The following METTL25B variants were observed in gnomAD, a reference collection of about 807,000 sequenced individuals.
METTL25B encodes the protein methyltransferase-like protein 25B.
In METTL25B, 38 loss-of-function variants were observed where a neutral mutation model predicts 48.4. That is an observed-to-expected ratio of 0.78 (90% CI 0.61 to 1.03). The LOEUF (loss-of-function observed/expected upper bound fraction) is 1.03. Among genes scored for constraint, METTL25B ranks in the 50% least tolerant of loss-of-function variants. The pLI is 0.00. For synonymous variants in METTL25B, 230 were observed against 254.5 expected, an observed-to-expected ratio of 0.90 and a Z score of 0.92; for missense variants, 537 against 603.7, an observed-to-expected ratio of 0.89 and a Z score of 1.16.
chr1:156,732,733 G>A lies in METTL25B; in HGVS notation c.430-252G>A, dbSNP rs2102654509. ...CAATCTGCTCATGGCTTCACGCAGG[G>A]TTCTTGTTCTGTGGGGGAGATTGAA... On this transcript the variant is annotated intron_variant, in intron 3 of 7. Transcript: ENST00000368216. Among the ~76,000 whole-genome samples, 3 of 152,244 alleles carry A rather than the reference G, an allele frequency of 2.0e-5. No homozygotes were observed. The Middle Eastern group carries it at 0.01, about 518-fold the overall frequency.
rs1648960810 is a variant in METTL25B at position 156,728,852 on chromosome 1, A to T, written c.-253A>T. 10 of 700,230 alleles carry T rather than the reference A, an allele frequency of 1.4e-5. No homozygotes were observed. In the East Asian group the frequency reaches 4.2e-4, roughly 29 times the overall value. The allele number at this position is 700,230 out of a possible 1,614,324, so 43.4% of individuals were successfully genotyped here. On this transcript the variant is annotated 5_prime_UTR_variant, in exon 1 of 8. Coordinates refer to ENST00000368216, the MANE Select transcript of METTL25B (RefSeq NM_015997.4). ...GCTTTTGTGGCGTCACTGCACTGTT[A>T]CCCCGCCCTACGTGTCTCTGACGCT...
At position 156,734,420 on chromosome 1, in the gene METTL25B, C is replaced by A. The variant is rs771852368; in HGVS notation, c.1048C>A (p.Arg350=). ...CCGTGCAGCACTGGAGACAGTCATC[C>A]GACGGGCCCGGCCCGAGCTCCGTCG... ...CYRAALETVI[R]RARPELRRPG... is the part of the protein sequence containing the mutation. The change falls in exon 6 of 8, where the codon CGA becomes AGA. Residue 350 remains arginine, a synonymous_variant. Coordinates refer to ENST00000368216, the MANE Select transcript of METTL25B (RefSeq NM_015997.4). 8.1e-6 allele frequency: 13 copies of A among 1,610,020 alleles called. No homozygotes were observed. Among genetic ancestry groups the A allele is most frequent in the Non-Finnish European group, 1.1e-5 (13 of 1,178,314 alleles).
In METTL25B at chr1:156,734,006, CA is replaced by C; in HGVS notation, c.637-2del. 6.3e-7 allele frequency: 1 copy of C among 1,590,618 alleles called. No individual in the cohort carries two copies. Among genetic ancestry groups the C allele is most frequent in the Non-Finnish European group, 8.6e-7 (1 of 1,166,682 alleles). ...CTGCCTTTGTCCTTTCCTGCTTCCACAGGTGGTCCAAACCAGCCCTCGTCAC... is the reference window on the plus strand; with the variant it reads ...CTGCCTTTGTCCTTTCCTGCTTCCACGGTGGTCCAAACCAGCCCTCGTCAC... On this transcript the variant is annotated splice_acceptor_variant, in intron 5 of 7. Coordinates refer to ENST00000368216, the MANE Select transcript of METTL25B (RefSeq NM_015997.4). LOFTEE classifies it high-confidence loss of function.
chr1:156,736,086 G>A (rs748288355), intron 7 of METTL25B, 177 bp downstream of exon 7: 10 of 522,956 alleles, frequency 1.9e-5, no homozygotes, highest in Non-Finnish European at 2.9e-5. Flanking sequence ...TAAGAATCCA[G>A]GCTGGGTGCG....
chr1:156,735,661 A>T (rs1649716295), intron 6 of METTL25B, 64 bp from the exon 7 acceptor site: 2 of 1,408,130 alleles, frequency 1.4e-6, no homozygotes, highest in Non-Finnish European at 1.9e-6. Context: ...GAACAAGCAA[A>T]GTTTAAGTGA....
chr1:156,735,057 T>TA (rs1043109630), intron 6 of METTL25B, among the ~76,000 whole-genome samples: 2 of 150,890 alleles, frequency 1.3e-5, no homozygotes, highest in African/African-American at 4.9e-5. Context: ...GGGAGGCTGA[T>TA]ACGGGCCGAT....
Position 156,732,349 on chromosome 1 carries a change from G to C in METTL25B, c.305G>C (p.Arg102Pro), listed in dbSNP as rs199633845. ...KSTACALAFT[R>P]MPGFQTPSEF... ...ACGGCGTGTGCCCTGGCCTTTACCC[G>C]GATGCCTGGCTTTCAGACCCCCTCA... The change falls in exon 3 of 8, where the codon CGG becomes CCG. Residue 102 changes from arginine to proline, a missense_variant. Coordinates refer to ENST00000368216, the MANE Select transcript of METTL25B (RefSeq NM_015997.4). 85 of 1,614,198 alleles carry C rather than the reference G, an allele frequency of 5.3e-5. 2 individuals are homozygous for C. In the Admixed American group the frequency reaches 1.3e-3, roughly 24 times the overall value.
At chr1:156,731,946 G>A (rs1314719347) in intron 1 of METTL25B, 45 bp from the exon 2 acceptor site, 1 of 1,611,498 alleles carries the variant, frequency 6.2e-7, no homozygotes, top group African/African-American at 1.3e-5. Flanking sequence ...GGGAAAGAAT[G>A]GGAGTGGTAG....
Position 156,733,392 on chromosome 1 carries a change from T to C in METTL25B, c.508T>C (p.Phe170Leu). 6.2e-7 allele frequency: 1 copy of C among 1,614,128 alleles called. No individual in the cohort carries two copies. Residue 170 changes from phenylalanine (F) to leucine (L), a missense_variant, in exon 5 of 8, where the codon TTC (phenylalanine) becomes CTC (leucine). Phe to Leu is a conservative substitution (Grantham distance 22). Coordinates refer to ENST00000368216, the MANE Select transcript of METTL25B (RefSeq NM_015997.4). ...VGSGQGHLSR[F>L]MALGLGLMVK... ...GTGACTCCAGGGCCATCTCTCCCGC[T>C]TCATGGCTCTTGGCCTGGGGTTGAT...
intron 6 of METTL25B, among the ~76,000 whole-genome samples, chr1:156,735,326 G>A (rs973779958): frequency 6.7e-6 from 1 of 150,112 alleles, no homozygotes; most frequent in Non-Finnish European, 1.5e-5. Context: ...TAAAAGTATG[G>A]CTAAATAGTT....
Position 156,733,358 on chromosome 1 carries a change from A to G in METTL25B, c.493-19A>G. Reference sequence around the variant, plus strand: ...TAGGGCACTGAACAGGGCTGTTTCCATCCTCCTCGTGACTCCAGGGCCATC... The same window carrying G: ...TAGGGCACTGAACAGGGCTGTTTCCGTCCTCCTCGTGACTCCAGGGCCATC... On this transcript the variant is annotated intron_variant, in intron 4 of 7. Coordinates refer to ENST00000368216, the MANE Select transcript of METTL25B (RefSeq NM_015997.4). 1 of 1,613,856 alleles carries G rather than the reference A, an allele frequency of 6.2e-7. No individual in the cohort carries two copies.
In METTL25B at chr1:156,735,828, T is replaced by G; in HGVS notation, c.1225T>G (p.Phe409Val). 2 of 1,612,966 alleles carry G rather than the reference T, an allele frequency of 1.2e-6. No individual in the cohort carries two copies. The highest frequency in any genetic ancestry group is 1.7e-6 in the Non-Finnish European group (2 of 1,179,776). ...HVAQENRVVA[F>V]FSLALLLAPL... Reference sequence around the variant, plus strand: ...GGCCCAGGAGAACCGTGTGGTGGCCTTCTTCAGCCTGGCTCTACTGCTTGC... The same window carrying G: ...GGCCCAGGAGAACCGTGTGGTGGCCGTCTTCAGCCTGGCTCTACTGCTTGC... The change falls in exon 7 of 8, where the codon TTC becomes GTC. Residue 409 changes from phenylalanine to valine, a missense_variant. Phe to Val is a conservative substitution (Grantham distance 50). Transcript: ENST00000368216.
chr1:156,729,628 G>C (rs1416275998), intron 1 of METTL25B: 1 of 164,766 alleles, frequency 6.1e-6, no homozygotes, highest in Non-Finnish European at 1.3e-5. Context: ...GAGCATGTCA[G>C]GTGTTCCAAG....
chr1:156,733,878 C>A, intron 5 of METTL25B, 131 bp from the exon 6 acceptor site: 2 of 1,306,296 alleles, frequency 1.5e-6, no homozygotes, highest in Non-Finnish European at 2.1e-6. Context: ...CAGCCCCTCC[C>A]GCACCCACCT....
In METTL25B at chr1:156,734,310, G is replaced by A. The variant is rs781406852; in HGVS notation, c.938G>A (p.Arg313Gln). ...CTGCCTGGCTATGAACTGCCCTACCGGCTTCGGGAGGGGGCCTGCCATGCC... is the reference window on the plus strand; with the variant it reads ...CTGCCTGGCTATGAACTGCCCTACCAGCTTCGGGAGGGGGCCTGCCATGCC... ...AGLPGYELPY[R>Q]LREGACHALE... Residue 313 changes from arginine (R) to glutamine (Q), a missense_variant, in exon 6 of 8, where the codon CGG becomes CAG. Transcript: ENST00000368216. 1.1e-5 allele frequency: 17 copies of A among 1,613,970 alleles called. No individual in the cohort carries two copies. The highest frequency in any genetic ancestry group is 5.0e-5 in the Admixed American group (3 of 60,004).
At chr1:156,733,593 G>T in intron 5 of METTL25B, 73 bp downstream of exon 5, 1 of 1,491,890 alleles carries the variant, frequency 6.7e-7, no homozygotes, top group East Asian at 2.3e-5. Context: ...ACAGAGGCTG[G>T]ATTACATCTT....
At chr1:156,731,775 C>T (rs1189147975) in intron 1 of METTL25B, among the ~76,000 whole-genome samples, 1 of 152,160 alleles carries the variant, frequency 6.6e-6, no homozygotes. Context: ...ATCTGGACTC[C>T]AGGGAAACAG....
At chr1:156,730,070 C>T (rs1252504558) in intron 1 of METTL25B, among the ~76,000 whole-genome samples, 1 of 152,234 alleles carries the variant, frequency 6.6e-6, no homozygotes, top group Non-Finnish European at 1.5e-5. Flanking sequence ...TGAACTACTT[C>T]CTAACCGATC....
intron 4 of METTL25B, 38 bp downstream of exon 4, chr1:156,733,085 T>A (rs1368039450): frequency 1.3e-6 from 2 of 1,591,768 alleles, no homozygotes; most frequent in East Asian, 4.5e-5. Context: ...TTTTGAGTCA[T>A]GGGGACATAG....
Sources: gnomAD v4.1 joint callset for allele counts (sites outside exome capture counted in the v4.1 genomes callset) on GRCh38, gnomAD v4.1.1 for gene constraint, MANE v1.5 for transcripts, NCBI Gene and HGNC (gene_info 2026-07-23, HGNC 2026-07-21) for gene names.